Variants in KCNH8 observed in about 807,000 individuals in gnomAD.
The protein encoded by KCNH8 is potassium voltage-gated channel subfamily H member 8.
A neutral mutation model predicts 103.6 loss-of-function variants in KCNH8; 70 were observed. The ratio of observed to expected loss-of-function variants is 0.68; its 90% CI spans 0.56 to 0.82. The LOEUF (loss-of-function observed/expected upper bound fraction) is 0.82. Among genes scored for constraint, KCNH8 ranks in the 40% least tolerant of loss-of-function variants. The probability of loss-of-function intolerance (pLI) is 0.00; values close to 1 mark genes in which losing one functional copy is unlikely to be tolerated. For synonymous variants in KCNH8, 498 were observed against 489.4 expected, an observed-to-expected ratio of 1.02 and a Z score of -0.23; for missense variants, 1,217 against 1,329.9, an observed-to-expected ratio of 0.92 and a Z score of 1.32.
rs772249617 is a variant in KCNH8, at chr3:19,148,780, C to A, written c.61C>A (p.Arg21Ser). The A allele has an allele frequency of 1.9e-6, 3 of 1,614,032 alleles. No individual in the cohort carries two copies. Among genetic ancestry groups the A allele is most frequent in the Non-Finnish European group, 2.5e-6 (3 of 1,179,904 alleles). Residue 21 changes from arginine (R) to serine (S), a missense_variant, in exon 1 of 16, where the codon CGT (arginine) becomes AGT (serine). Physicochemically the swap from Arg to Ser is moderately radical, Grantham distance 110. Transcript: ENST00000328405. ...CACCTTCCTGGACACCATCGCCACC[C>A]GTTTTGACGGAACACGTAAGTCTTA... is the stretch of plus-strand genomic sequence containing the variant. Reference protein sequence around the residue: ...QNTFLDTIATRFDGTHSNFIL... With the variant: ...QNTFLDTIATSFDGTHSNFIL...
chr3:19,424,408 ATGTGGAAG>A (rs2066995219), intron 7 of KCNH8, among the ~76,000 whole-genome samples: 1 of 152,204 alleles, frequency 6.6e-6, no homozygotes, highest in African/African-American at 2.4e-5. Context: ...GGCAAGCCAC[ATGTGGAAG>A]AAGGAAACTG....
At chr3:19,261,599 C>T (rs897078804) in intron 2 of KCNH8, among the ~76,000 whole-genome samples, 7 of 151,730 alleles carry the variant, frequency 4.6e-5, no homozygotes, top group East Asian at 3.9e-4. Flanking sequence ...TTTAGTTTGA[C>T]GTAGTCCTGT....
Position 19,451,416 on chromosome 3 carries a change from T to C in KCNH8, c.1825+12T>C, listed in dbSNP as rs770326505. 3.1e-6 allele frequency: 5 copies of C among 1,609,026 alleles called. No individual in the cohort carries two copies. The highest frequency in any genetic ancestry group is 2.2e-5 in the East Asian group (1 of 44,816). ...GCTGGCTATTCTTGGTAGGTCTGAA[T>C]TGAAAAACTTGTATGAAATTTGACT... On this transcript the variant is annotated intron_variant, in intron 10 of 15. Coordinates refer to ENST00000328405, the MANE Select transcript of KCNH8 (RefSeq NM_144633.3).
chr3:19,487,627 T>G (rs983491351), intron 11 of KCNH8, among the ~76,000 whole-genome samples: 1 of 152,156 alleles, frequency 6.6e-6, no homozygotes, highest in African/African-American at 2.4e-5. Flanking sequence ...TCTGCCCATA[T>G]TTGGGGCCAT....
chr3:19,162,211 A>T (rs1364643435), intron 1 of KCNH8, among the ~76,000 whole-genome samples: 1 of 152,114 alleles, frequency 6.6e-6, no homozygotes, highest in African/African-American at 2.4e-5. Flanking sequence ...ATAGAAGCAC[A>T]TTGAAATGTA....
At chr3:19,299,855 A>T (rs1168281012) in intron 3 of KCNH8, among the ~76,000 whole-genome samples, 3 of 152,002 alleles carry the variant, frequency 2.0e-5, no homozygotes, top group African/African-American at 7.2e-5. Context: ...ATTAGAAAAC[A>T]TTATTATTTT....
chr3:19,317,664 A>T (rs2065291140), intron 3 of KCNH8, among the ~76,000 whole-genome samples: 1 of 151,836 alleles, frequency 6.6e-6, no homozygotes, highest in East Asian at 1.9e-4. Context: ...TAATCATAAT[A>T]AATGACATAT....
intron 2 of KCNH8, among the ~76,000 whole-genome samples, chr3:19,271,521 G>C (rs977282205): frequency 6.6e-6 from 1 of 152,064 alleles, no homozygotes; most frequent in African/African-American, 2.4e-5. Context: ...CTAACTTTAA[G>C]ATATATTAAA....
At chr3:19,467,988 G>C (rs1464865221) in intron 11 of KCNH8, among the ~76,000 whole-genome samples, 1 of 151,996 alleles carries the variant, frequency 6.6e-6, no homozygotes, top group East Asian at 1.9e-4. Flanking sequence ...CTGCCTCAGG[G>C]CCTTTGCATT....
chr3:19,206,191 TTA>T (rs200576079), intron 1 of KCNH8, among the ~76,000 whole-genome samples: 3 of 141,476 alleles, frequency 2.1e-5, no homozygotes, highest in Non-Finnish European at 3.0e-5. Context: ...TATATCACAG[TTA>T]TATATATATG....
rs146414682 is a variant in KCNH8 at position 19,443,675 on chromosome 3, G to T, written c.1375+5314G>T. Among the ~76,000 whole-genome samples the T allele has an allele frequency of 1.9e-3, 282 of 151,752 alleles. 5 individuals carry two copies. The East Asian group carries it at 0.049, about 26-fold the overall frequency. The stretch of plus-strand genomic sequence containing the variant: ...CCAAAACAAATAAGTAATTCTAATA[G>T]CTTCAGATGAATATCAGAATTAATG... On this transcript the variant is annotated intron_variant, in intron 8 of 15. Transcript: ENST00000328405.
intron 5 of KCNH8, among the ~76,000 whole-genome samples, chr3:19,387,743 G>A (rs906418785): frequency 2.0e-5 from 3 of 152,096 alleles, no homozygotes; most frequent in Non-Finnish European, 4.4e-5. Flanking sequence ...AAATAGATTT[G>A]TATAGATGTT....
intron 11 of KCNH8, among the ~76,000 whole-genome samples, chr3:19,506,564 C>T (rs909241302): frequency 1.3e-5 from 2 of 152,118 alleles, no homozygotes; most frequent in African/African-American, 4.8e-5. Flanking sequence ...CCTCTCAGTG[C>T]TCTGACAGTG....
chr3:19,369,446 T>G (rs910873149), intron 5 of KCNH8, among the ~76,000 whole-genome samples: 4 of 151,948 alleles, frequency 2.6e-5, no homozygotes, highest in African/African-American at 9.7e-5. Flanking sequence ...CCCCTAAATA[T>G]TAACCTTGAT....
intron 11 of KCNH8, among the ~76,000 whole-genome samples, chr3:19,480,463 A>C (rs1428877027): frequency 2.0e-5 from 3 of 152,222 alleles, no homozygotes; most frequent in Non-Finnish European, 4.4e-5. Flanking sequence ...CTACCTTCCC[A>C]ACTACAATAA....
intron 11 of KCNH8, among the ~76,000 whole-genome samples, chr3:19,466,951 G>A (rs1003177312): frequency 1.8e-4 from 28 of 152,164 alleles, no homozygotes; most frequent in African/African-American, 6.7e-4. Context: ...GTGAGCCACT[G>A]CGCCCGGCCA....
chr3:19,343,985 A>AT (rs67333323), intron 4 of KCNH8, among the ~76,000 whole-genome samples: 41,323 of 144,932 alleles, frequency 0.29, 6,547 homozygotes, highest in Non-Finnish European at 0.38. Flanking sequence ...TCACGCTTTG[A>AT]TTTTTTTTTT....
intron 5 of KCNH8, among the ~76,000 whole-genome samples, chr3:19,363,922 C>T (rs1224714644): frequency 6.6e-6 from 1 of 152,016 alleles, no homozygotes; most frequent in Non-Finnish European, 1.5e-5. Flanking sequence ...ATACTGAAGG[C>T]AAAGACATCT....
intron 3 of KCNH8, among the ~76,000 whole-genome samples, chr3:19,297,132 A>T (rs1457334728): frequency 6.6e-6 from 1 of 152,196 alleles, no homozygotes; most frequent in African/African-American, 2.4e-5. Context: ...AGCATTCAGA[A>T]ATGTACTCAA....
Sources: gnomAD v4.1 joint callset for allele counts (sites outside exome capture counted in the v4.1 genomes callset) on GRCh38, gnomAD v4.1.1 for gene constraint, MANE v1.5 for transcripts, NCBI Gene and HGNC (gene_info 2026-07-23, HGNC 2026-07-21) for gene names.